TTC33: variants seen among roughly 807,000 people sequenced by gnomAD.
The protein encoded by TTC33 is tetratricopeptide repeat domain 33, also known as tetratricopeptide repeat protein 33.
In TTC33, 24 loss-of-function variants were observed where a neutral mutation model predicts 29.4. That is an observed-to-expected ratio of 0.82 (90% confidence interval 0.59 to 1.15). TTC33 has a LOEUF of 1.15. TTC33 is among the 50% of genes most tolerant of loss of function. The pLI is 0.00. For missense variants in TTC33, 286 were observed against 310.4 expected, an observed-to-expected ratio of 0.92 and a Z score of 0.59; for synonymous variants, 107 against 100.3, an observed-to-expected ratio of 1.07 and a Z score of -0.40.
intron 1 of TTC33, among the ~76,000 whole-genome samples, chr5:40,749,366 T>C (rs1460556350): frequency 6.6e-6 from 1 of 152,230 alleles, no homozygotes; most frequent in African/African-American, 2.4e-5. Context: ...TGGAGAATAG[T>C]GTTTAAGCTT....
chr5:40,738,444 A>AAATAC (rs140651944), intron 2 of TTC33, among the ~76,000 whole-genome samples: 7,572 of 83,838 alleles, frequency 0.09, 481 homozygotes, highest in Non-Finnish European at 0.1. Flanking sequence ...ATATAAAATA[A>AAATAC]AATACAATAC....
chr5:40,749,932 A>G (rs1242047511), intron 1 of TTC33, among the ~76,000 whole-genome samples: 2 of 152,088 alleles, frequency 1.3e-5, no homozygotes, highest in African/African-American at 4.8e-5. Flanking sequence ...TACTAAAAAT[A>G]CAAAAATTAT....
At position 40,715,028 on chromosome 5, in the gene TTC33, T is replaced by G. The variant is rs1458912189; in HGVS notation, c.*1117A>C. On this transcript the variant is annotated 3_prime_UTR_variant, in exon 5 of 5. Transcript: ENST00000337702. ...GACTGTGGACTTTCAATAAAATTTT[T>G]TTTAATATAGCCTTTTCATACTCAT... The G allele has an allele frequency of 6.6e-6, 1 of 152,110 alleles. No homozygotes were observed. Among genetic ancestry groups the G allele is most frequent in the Non-Finnish European group, 1.5e-5 (1 of 67,962 alleles). 9.4% of individuals were successfully genotyped at this position (152,110 alleles called of 1,614,324 possible).
chr5:40,721,762 C>A (rs1446659498), intron 4 of TTC33, among the ~76,000 whole-genome samples: 1 of 151,926 alleles, frequency 6.6e-6, no homozygotes, highest in African/African-American at 2.4e-5. Flanking sequence ...GAATATAACA[C>A]CAAAAACATA....
chr5:40,735,642 C>G (rs1215353217), intron 2 of TTC33, among the ~76,000 whole-genome samples: 3 of 152,112 alleles, frequency 2.0e-5, no homozygotes, highest in African/African-American at 7.2e-5. Context: ...TCCACAAACA[C>G]AGATGATTGT....
intron 1 of TTC33, among the ~76,000 whole-genome samples, chr5:40,747,344 C>A (rs1259199652): frequency 6.6e-6 from 1 of 152,142 alleles, no homozygotes; most frequent in Non-Finnish European, 1.5e-5. Context: ...AAGCATGAGC[C>A]ACCACGCCCG....
intron 2 of TTC33, among the ~76,000 whole-genome samples, chr5:40,735,237 TATTG>T (rs1742524071): frequency 1.3e-5 from 2 of 152,204 alleles, no homozygotes; most frequent in African/African-American, 4.8e-5. Flanking sequence ...AGACATGAAT[TATTG>T]ATTTACATTT....
chr5:40,751,269 C>T (rs991051541), intron 1 of TTC33, among the ~76,000 whole-genome samples: 4 of 152,208 alleles, frequency 2.6e-5, no homozygotes, highest in African/African-American at 9.6e-5. Context: ...ATGAAAACAA[C>T]ATTAATCTTG....
intron 4 of TTC33, among the ~76,000 whole-genome samples, chr5:40,723,301 G>T (rs1214658923): frequency 6.6e-6 from 1 of 151,934 alleles, no homozygotes; most frequent in Admixed American, 6.6e-5. Flanking sequence ...CACTGTGGAA[G>T]GCCGCAGGGT....
intron 2 of TTC33, among the ~76,000 whole-genome samples, chr5:40,732,900 G>A (rs770077813): frequency 5.3e-5 from 8 of 151,994 alleles, no homozygotes; most frequent in African/African-American, 7.3e-5. Context: ...GAGCCACCGC[G>A]CCCGGCCTAA....
intron 1 of TTC33, among the ~76,000 whole-genome samples, chr5:40,747,950 C>T (rs1412214012): frequency 6.6e-6 from 1 of 151,982 alleles, no homozygotes; most frequent in Non-Finnish European, 1.5e-5. Flanking sequence ...CTCAGCCTCC[C>T]GAGTAGCTGG....
chr5:40,753,915 A>T (rs1401288596), intron 1 of TTC33, among the ~76,000 whole-genome samples: 5 of 152,160 alleles, frequency 3.3e-5, no homozygotes, highest in Non-Finnish European at 7.3e-5. Flanking sequence ...AAAGAAAAAA[A>T]AGTAAAAAAA....
At chr5:40,730,386 CT>C in intron 2 of TTC33, 43 bp from the exon 3 acceptor site, 2 of 1,518,136 alleles carry the variant, frequency 1.3e-6, no homozygotes, top group Non-Finnish European at 1.8e-6. Flanking sequence ...TTTCAATATG[CT>C]TTTTTGGACT....
At chr5:40,739,278 T>G (rs1021773631) in intron 2 of TTC33, among the ~76,000 whole-genome samples, 1 of 152,258 alleles carries the variant, frequency 6.6e-6, no homozygotes, top group African/African-American at 2.4e-5. Flanking sequence ...GCTTGTCAAT[T>G]ATCTCAAACG....
chr5:40,721,793 G>T (rs1226174102), intron 4 of TTC33, among the ~76,000 whole-genome samples: 1 of 152,040 alleles, frequency 6.6e-6, no homozygotes, highest in Admixed American at 6.5e-5. Context: ...TCAAAAATAG[G>T]CAAGTGAGAT....
chr5:40,741,554 C>A (rs1742695050), intron 2 of TTC33, among the ~76,000 whole-genome samples: 1 of 152,214 alleles, frequency 6.6e-6, no homozygotes, highest in Admixed American at 6.5e-5. Context: ...TTCCTCTTCT[C>A]TGGTACTCTA....
In TTC33 at chr5:40,728,591, C is replaced by T. The variant is rs116371442; in HGVS notation, c.304-115G>A. 2,327 of 1,025,062 alleles carry T rather than the reference C, an allele frequency of 2.3e-3. 42 individuals carry two copies. In the African/African-American group the frequency reaches 0.033, roughly 15 times the overall value. The allele number at this position is 1,025,062 out of a possible 1,614,324, so 63.5% of individuals were successfully genotyped here. A position where few individuals can be genotyped will look rare whatever the true frequency, so the allele number is the denominator to read the frequency against. ...TTTTAGTCCAGTAAAAATAGCATTTCGGTGATTTTTACCCCTTACTCTGCC... is the reference window on the plus strand; with the variant it reads ...TTTTAGTCCAGTAAAAATAGCATTTTGGTGATTTTTACCCCTTACTCTGCC... On this transcript the variant is annotated intron_variant, in intron 3 of 4. Coordinates refer to ENST00000337702, the MANE Select transcript of TTC33 (RefSeq NM_012382.3).
chr5:40,751,267 A>G (rs1452931290), intron 1 of TTC33, among the ~76,000 whole-genome samples: 1 of 152,260 alleles, frequency 6.6e-6, no homozygotes, highest in Admixed American at 6.5e-5. Context: ...GCATGAAAAC[A>G]ACATTAATCT....
chr5:40,725,803 T>C (rs1012949716), intron 4 of TTC33, among the ~76,000 whole-genome samples: 31 of 150,786 alleles, frequency 2.1e-4, no homozygotes, highest in African/African-American at 7.3e-4. Flanking sequence ...TTTTTTTTTT[T>C]TGAGACAGGT....
Sources: gnomAD v4.1 joint callset for allele counts (sites outside exome capture counted in the v4.1 genomes callset) on GRCh38, gnomAD v4.1.1 for gene constraint, MANE v1.5 for transcripts, NCBI Gene and HGNC (gene_info 2026-07-23, HGNC 2026-07-21) for gene names.